The following FHIT variants were observed in gnomAD, a reference collection of about 807,000 sequenced individuals.
FHIT encodes fragile histidine triad diadenosine triphosphatase.
A neutral mutation model predicts 17.9 loss-of-function variants in FHIT; 19 were observed. The observed-to-expected ratio is 1.06, with a 90% CI of 0.74 to 1.56. The LOEUF (loss-of-function observed/expected upper bound fraction) is 1.56, where lower values mean the gene tolerates loss of function less well. Among genes scored for constraint, FHIT ranks in the 40% most tolerant of loss-of-function variants. The pLI is 0.00. For missense variants in FHIT, 248 were observed against 189.2 expected (o/e 1.31, Z -1.82); for synonymous variants, 81 against 69.7 (o/e 1.16, Z -0.81).
At chr3:60,829,128 G>A (rs1229398154) in intron 3 of FHIT, among the ~76,000 whole-genome samples, 2 of 152,134 alleles carry the variant, frequency 1.3e-5, no homozygotes, top group Non-Finnish European at 2.9e-5. Flanking sequence ...TATGTGACAA[G>A]CACCTACTAT....
At chr3:60,352,658 C>T (rs1213940525) in intron 5 of FHIT, among the ~76,000 whole-genome samples, 1 of 152,070 alleles carries the variant, frequency 6.6e-6, no homozygotes, top group Non-Finnish European at 1.5e-5. Flanking sequence ...TCCACCACCA[C>T]AGTCAGGTAA....
rs201476000 is a variant in FHIT, at chr3:60,442,025, A to AT, written c.103+94834dup. Among the ~76,000 whole-genome samples, 1,339 of 150,432 alleles carry AT rather than the reference A, an allele frequency of 8.9e-3. 14 individuals are homozygous for AT. The highest frequency in any genetic ancestry group is 0.027 in the East Asian group (135 of 5,000). On this transcript the variant is annotated intron_variant, in intron 5 of 9. Coordinates refer to ENST00000492590, the MANE Select transcript of FHIT (RefSeq NM_002012.4). ...AGGTGCATGCTACCATGCCTGACTAATTTTTTTAACTTATTGTAGAAATGG... is the reference window on the plus strand; with the variant it reads ...AGGTGCATGCTACCATGCCTGACTAATTTTTTTTAACTTATTGTAGAAATGG...
intron 5 of FHIT, among the ~76,000 whole-genome samples, chr3:60,308,579 C>CG (rs1228182354): frequency 6.6e-6 from 1 of 151,136 alleles, no homozygotes; most frequent in South Asian, 2.1e-4. Flanking sequence ...TGGGTCCCCC[C>CG]CCAACAATTA....
At chr3:59,813,499 G>C (rs1446095521) in intron 8 of FHIT, among the ~76,000 whole-genome samples, 1 of 152,078 alleles carries the variant, frequency 6.6e-6, no homozygotes, top group Non-Finnish European at 1.5e-5. Flanking sequence ...AATAAATCTG[G>C]GATCCAAATT....
intron 8 of FHIT, among the ~76,000 whole-genome samples, chr3:59,826,346 T>C (rs550448986): frequency 2.6e-5 from 4 of 152,304 alleles, no homozygotes; most frequent in Non-Finnish European, 4.4e-5. Flanking sequence ...TGTAATATAG[T>C]TCCCTTTTCC....
chr3:60,758,258 T>A (rs1271307822), intron 4 of FHIT, among the ~76,000 whole-genome samples: 1 of 152,112 alleles, frequency 6.6e-6, no homozygotes, highest in Non-Finnish European at 1.5e-5. Context: ...CCTTCAGGAG[T>A]TGAGTAGCAT....
intron 5 of FHIT, among the ~76,000 whole-genome samples, chr3:60,138,062 T>C (rs962333091): frequency 2.0e-5 from 3 of 152,180 alleles, no homozygotes; most frequent in African/African-American, 4.8e-5. Flanking sequence ...ATTTTAAAGA[T>C]GAGAAGACTG....
At chr3:60,571,849 T>C (rs1301048540) in intron 4 of FHIT, among the ~76,000 whole-genome samples, 2 of 152,324 alleles carry the variant, frequency 1.3e-5, no homozygotes, top group African/African-American at 4.8e-5. Flanking sequence ...GGAAGAATTC[T>C]CTTTCCATAG....
intron 4 of FHIT, chr3:60,617,374 G>A (rs576681416): frequency 2.5e-5 from 5 of 202,558 alleles, no homozygotes; most frequent in South Asian, 1.1e-4. Context: ...GTTGATTGTT[G>A]ACCAATGTCC....
At chr3:60,186,384 C>T (rs1016701407) in intron 5 of FHIT, among the ~76,000 whole-genome samples, 1 of 152,128 alleles carries the variant, frequency 6.6e-6, no homozygotes, top group Non-Finnish European at 1.5e-5. Context: ...GTTATCCTTT[C>T]TCCATGTAGT....
intron 3 of FHIT, among the ~76,000 whole-genome samples, chr3:60,947,364 A>G (rs1418321530): frequency 1.3e-5 from 2 of 152,208 alleles, no homozygotes; most frequent in African/African-American, 2.4e-5. Flanking sequence ...GACTATGACT[A>G]TCGCGTGTTT....
chr3:60,377,128 G>A (rs189111663), intron 5 of FHIT, among the ~76,000 whole-genome samples: 23 of 151,924 alleles, frequency 1.5e-4, no homozygotes, highest in Admixed American at 3.9e-4. Context: ...GTTCAGGAGA[G>A]GCATAGAGTT....
chr3:60,759,449 A>G (rs1699558571), intron 4 of FHIT, among the ~76,000 whole-genome samples: 1 of 152,196 alleles, frequency 6.6e-6, no homozygotes, highest in Admixed American at 6.5e-5. Flanking sequence ...AGAGATTTCG[A>G]AAACATCAGT....
At chr3:60,873,536 T>A (rs1704511708) in intron 3 of FHIT, among the ~76,000 whole-genome samples, 1 of 152,202 alleles carries the variant, frequency 6.6e-6, no homozygotes, top group Non-Finnish European at 1.5e-5. Context: ...TACCATTCTC[T>A]CTGAATGAAG....
chr3:60,130,744 G>A (rs1354694886), intron 5 of FHIT, among the ~76,000 whole-genome samples: 4 of 53,058 alleles, frequency 7.5e-5, no homozygotes, highest in Non-Finnish European at 1.1e-4. Context: ...TACTGAATAG[G>A]GGTGTGTGTG....
chr3:60,784,767 T>C (rs536021934), intron 4 of FHIT, among the ~76,000 whole-genome samples: 6 of 152,288 alleles, frequency 3.9e-5, no homozygotes, highest in African/African-American at 1.4e-4. Flanking sequence ...CATGAGGAAG[T>C]AGGGCCTTTG....
At chr3:60,874,400 C>T (rs1266643047) in intron 3 of FHIT, among the ~76,000 whole-genome samples, 5 of 152,108 alleles carry the variant, frequency 3.3e-5, no homozygotes, top group Admixed American at 6.6e-5. Context: ...TCATTAATTT[C>T]AAGAGCTCTG....
chr3:60,585,835 T>C (rs1385706527), intron 4 of FHIT, among the ~76,000 whole-genome samples: 10 of 151,906 alleles, frequency 6.6e-5, no homozygotes, highest in African/African-American at 2.4e-4. Flanking sequence ...ATTATTACAG[T>C]TGTTTTACTA....
intron 3 of FHIT, among the ~76,000 whole-genome samples, chr3:60,899,754 G>T (rs1706010589): frequency 6.6e-6 from 1 of 152,146 alleles, no homozygotes; most frequent in South Asian, 2.1e-4. Context: ...TTGGCTCAGG[G>T]ATACATCTTT....
Sources: gnomAD v4.1 joint callset for allele counts (sites outside exome capture counted in the v4.1 genomes callset) on GRCh38, gnomAD v4.1.1 for gene constraint, MANE v1.5 for transcripts, NCBI Gene and HGNC (gene_info 2026-07-23, HGNC 2026-07-21) for gene names.